The following EPHB4 variants were observed in gnomAD, a reference collection of about 807,000 sequenced individuals.
The protein encoded by EPHB4 is ephrin type-B receptor 4.
EPHB4 carries 50 observed loss-of-function variants against 110.6 expected under a neutral mutation model. The observed-to-expected ratio is 0.45, with a 90% CI of 0.36 to 0.57. The LOEUF (loss-of-function observed/expected upper bound fraction) is 0.57. Among genes scored for constraint, EPHB4 ranks in the 20% least tolerant of loss-of-function variants. The probability of loss-of-function intolerance (pLI) is 0.00; values close to 1 mark genes in which losing one functional copy is unlikely to be tolerated. For synonymous variants in EPHB4, 592 were observed against 578.4 expected (o/e 1.02, Z -0.34); for missense variants, 1,128 against 1,382.1 (o/e 0.82, Z 2.91).
At chr7:100,824,327 G>C (rs1171913589) in intron 1 of EPHB4, 54 bp from the exon 2 acceptor site, 1 of 1,588,682 alleles carries the variant, frequency 6.3e-7, no homozygotes, top group Non-Finnish European at 8.6e-7. Context: ...GGGAGGTCAG[G>C]AAGACCAGAT....
chr7:100,807,596 G>C lies in EPHB4; in HGVS notation c.2119-16C>G, dbSNP rs2116419648. ...CGTCGTTTAGCTGGAGAGCAGATAG[G>C]GTGGGGGCTTGGTGAGGACAGCCCA... On this transcript the variant is annotated splice_polypyrimidine_tract_variant and intron_variant, in intron 12 of 16. Coordinates refer to ENST00000358173, the MANE Select transcript of EPHB4 (RefSeq NM_004444.5). 6.2e-7 allele frequency: 1 copy of C among 1,609,842 alleles called. No individual in the cohort carries two copies. The highest frequency in any genetic ancestry group is 1.7e-4 in the Middle Eastern group (1 of 6,040).
intron 12 of EPHB4, among the ~76,000 whole-genome samples, chr7:100,809,573 G>A (rs1812886175): frequency 6.6e-6 from 1 of 152,204 alleles, no homozygotes. Flanking sequence ...GAATGCAGTA[G>A]TGCAATGATG....
rs750256169 is a variant in EPHB4, at chr7:100,805,312, G to T, written c.2688C>A (p.His896Gln). The change falls in exon 16 of 17, where the codon CAC becomes CAA. Residue 896 changes from histidine to glutamine, a missense_variant. By Grantham distance (24) the His-to-Gln change is conservative. Coordinates refer to ENST00000358173, the MANE Select transcript of EPHB4 (RefSeq NM_004444.5). The part of the protein sequence containing the change: ...IVARENGGAS[H>Q]PLLDQRQPHY... ...GAGGCTGCCGCTGGTCCAGGAGAGG[G>T]TGTGAGGCCCTAGGGGGCAAGGATG... The T allele has an allele frequency of 1.2e-6, 2 of 1,613,828 alleles. No individual in the cohort carries two copies. Among genetic ancestry groups the T allele is most frequent in the South Asian group, 2.2e-5 (2 of 91,004 alleles).
In EPHB4 at chr7:100,820,307, G is replaced by A. The variant is rs369246380; in HGVS notation, c.809-11C>T. On this transcript the variant is annotated splice_polypyrimidine_tract_variant and intron_variant, in intron 4 of 16. Transcript: ENST00000358173. ...TGCCCTGGGCACAGGCTGAGAGAGA[G>A]AAAGCATTCATCAAAAGCATGCACA... The A allele has an allele frequency of 2.2e-5, 35 of 1,612,584 alleles. 1 individual carries two copies. The South Asian group carries it at 3.7e-4, about 17-fold the overall frequency.
At position 100,805,245 on chromosome 7, in the gene EPHB4, T is replaced by C; in HGVS notation, c.2755A>G (p.Ile919Val). The C allele has an allele frequency of 1.9e-6, 3 of 1,613,638 alleles. No homozygotes were observed. Among genetic ancestry groups the C allele is most frequent in the Non-Finnish European group, 2.5e-6 (3 of 1,179,862 alleles). ...CTTTCTTCGTATCTTCCCATTTTGATGGCCCGAAGCCACTCGCCCACAGAG... is the reference window on the plus strand; with the variant it reads ...CTTTCTTCGTATCTTCCCATTTTGACGGCCCGAAGCCACTCGCCCACAGAG... Reference protein sequence around the residue: ...FGSVGEWLRAIKMGRYEESFA... With the variant: ...FGSVGEWLRAVKMGRYEESFA... The change falls in exon 16 of 17, where the codon ATC becomes GTC. Residue 919 changes from isoleucine to valine, a missense_variant. By Grantham distance (29) the Ile-to-Val change is conservative. Around this residue, in one of 3 missense-constraint regions of EPHB4, gnomAD observed 209 missense variants for 240.5 expected, o/e 0.87. Transcript: ENST00000358173.
chr7:100,805,428 A>G, intron 15 of EPHB4, 73 bp downstream of exon 15: 3 of 1,566,010 alleles, frequency 1.9e-6, no homozygotes, highest in Non-Finnish European at 2.6e-6. Context: ...ACCCAACACC[A>G]ATGAACGGAC....
In EPHB4 at chr7:100,803,470, C is replaced by T. The variant is rs56086910; in HGVS notation, c.2955G>A (p.Pro985=). The change falls in exon 17 of 17, where the codon CCG becomes CCA. Residue 985 remains proline (P), a synonymous_variant. Coordinates refer to ENST00000358173, the MANE Select transcript of EPHB4 (RefSeq NM_004444.5). ...GTPGGTGGPA[P]QY is the part of the protein sequence containing the mutation. ...GGGGAGTTCCTGCAGGTCAGTACTGCGGGGCCGGTCCTCCTGTCCCACCCG... is the reference window on the plus strand; with the variant it reads ...GGGGAGTTCCTGCAGGTCAGTACTGTGGGGCCGGTCCTCCTGTCCCACCCG... 221 of 1,572,610 alleles carry T rather than the reference C, an allele frequency of 1.4e-4. No individual in the cohort carries two copies. In the East Asian group the frequency reaches 3.2e-3, roughly 23 times the overall value.
chr7:100,803,783 G>C (rs942714685), intron 16 of EPHB4, among the ~76,000 whole-genome samples, 193 bp from the exon 17 acceptor site: 1 of 152,222 alleles, frequency 6.6e-6, no homozygotes. Context: ...TGCAACCGCA[G>C]AAGGGGGTAG....
intron 6 of EPHB4, 88 bp from the exon 7 acceptor site, chr7:100,818,732 G>A (rs314365): frequency 8.9e-6 from 13 of 1,455,814 alleles, no homozygotes; most frequent in East Asian, 5.0e-5. Flanking sequence ...AGACGGAGTC[G>A]TGCTCTATCA....
rs953020710 is a variant in EPHB4 at position 100,802,862 on chromosome 7, T to G, written c.*599A>C. 2 of 152,054 alleles carry G rather than the reference T, an allele frequency of 1.3e-5. No homozygotes were observed. The highest frequency in any genetic ancestry group is 3.2e-3 in the Middle Eastern group (1 of 316). The allele number at this position is 152,054 out of a possible 1,614,324, so 9.4% of individuals were successfully genotyped here. A position where few individuals can be genotyped will look rare whatever the true frequency, so the allele number is the denominator to read the frequency against. On this transcript the variant is annotated 3_prime_UTR_variant, in exon 17 of 17. Coordinates refer to ENST00000358173, the MANE Select transcript of EPHB4 (RefSeq NM_004444.5). ...GAAACAGGTTCCCTCCAACACAAAG[T>G]TATGACAAGGACGGTAGAAAAACAA...
chr7:100,818,642 G>T lies in EPHB4; in HGVS notation c.1300C>A (p.Pro434Thr). The change falls in exon 7 of 17, where the codon CCT (proline) becomes ACT (threonine). Residue 434 changes from proline (P) to threonine (T), a missense_variant and splice_region_variant. Coordinates refer to ENST00000358173, the MANE Select transcript of EPHB4 (RefSeq NM_004444.5). ...ACCCGGATGTCAGACACTGCAGGAG[G>T]TACTGTGAGAGGCAGAGACACAGGG... ...PVNVTTDREVPPAVSDIRVTR... is the reference protein window; with the variant it reads ...PVNVTTDREVTPAVSDIRVTR... 1 of 1,608,392 alleles carries T rather than the reference G, an allele frequency of 6.2e-7. No homozygotes were observed. The highest frequency in any genetic ancestry group is 1.1e-5 in the South Asian group (1 of 91,014).
Position 100,820,172 on chromosome 7 carries a change from T to C in EPHB4, c.933A>G (p.Ala311=), listed in dbSNP as rs751031779. ...AGGGTGCACCCCGGGGGTCTGTGCGTGCCCGGAAGTACCCGACGCGGCACT... is the reference window on the plus strand; with the variant it reads ...AGGGTGCACCCCGGGGGTCTGTGCGCGCCCGGAAGTACCCGACGCGGCACT... ...VCQCRVGYFR[A]RTDPRGAPCT... The change falls in exon 5 of 17, where the codon GCA becomes GCG. Residue 311 remains alanine (A), a synonymous_variant. Transcript: ENST00000358173. The C allele has an allele frequency of 1.9e-6, 3 of 1,614,026 alleles. No homozygotes were observed. Among genetic ancestry groups the C allele is most frequent in the East Asian group, 4.5e-5 (2 of 44,866 alleles).
chr7:100,820,136 C>T lies in EPHB4; in HGVS notation c.964+5G>A, dbSNP rs530754329. ...GTGAACTGCACCTGGGTGCTGGTCA[C>T]TTACTGGTGCAGGGTGCACCCCGGG... On this transcript the variant is annotated splice_donor_5th_base_variant and intron_variant, in intron 5 of 16. Transcript: ENST00000358173. 1.2e-6 allele frequency: 2 copies of T among 1,613,228 alleles called. No homozygotes were observed. The highest frequency in any genetic ancestry group is 2.2e-5 in the East Asian group (1 of 44,884).
intron 1 of EPHB4, chr7:100,824,544 A>T: frequency 2.2e-6 from 1 of 458,684 alleles, no homozygotes; most frequent in Non-Finnish European, 4.0e-6. Flanking sequence ...GGAGATCAAA[A>T]TGTACGGGGA....
Position 100,817,859 on chromosome 7 carries a change from GTTTTTTTTT to G in EPHB4, c.1423-511_1423-503del, listed in dbSNP as rs33978512. On this transcript the variant is annotated intron_variant, in intron 7 of 16. Transcript: ENST00000358173. ...TTTTTTCATTTTAAGTATTTTTTGCGTTTTTTTTTTTTTTTTTTTTTTTTGGAGACAGAG... is the reference window on the plus strand; with the variant it reads ...TTTTTTCATTTTAAGTATTTTTTGCGTTTTTTTTTTTTTTTGGAGACAGAG... Among the ~76,000 whole-genome samples, 9 of 47,112 alleles carry G rather than the reference GTTTTTTTTT, an allele frequency of 1.9e-4. No individual in the cohort carries two copies. In the South Asian group the frequency reaches 3.7e-3, roughly 19 times the overall value. 30.9% of individuals were successfully genotyped at this position (47,112 alleles called of 152,430 possible). A position where few individuals can be genotyped will look rare whatever the true frequency, so the allele number is the denominator to read the frequency against.
chr7:100,821,485 C>T (rs868003353), intron 4 of EPHB4, among the ~76,000 whole-genome samples: 3 of 147,798 alleles, frequency 2.0e-5, no homozygotes, highest in Non-Finnish European at 3.0e-5. Flanking sequence ...AGAAATTAGC[C>T]GGGCGTGGTG....
rs1456938466 is a variant in EPHB4, at chr7:100,812,674, C to G, written c.2118+73G>C. 10 of 1,552,418 alleles carry G rather than the reference C, an allele frequency of 6.4e-6. No individual in the cohort carries two copies. In the Middle Eastern group the frequency reaches 5.7e-4, roughly 88 times the overall value. On this transcript the variant is annotated intron_variant, in intron 12 of 16. Coordinates refer to ENST00000358173, the MANE Select transcript of EPHB4 (RefSeq NM_004444.5). The stretch of plus-strand genomic sequence containing the variant: ...ACCTGGGACCCACTGTCTGTCCTGG[C>G]TTCTTAACCCAAGTGGCCTCTGGGT...
intron 1 of EPHB4, 122 bp downstream of exon 1, chr7:100,826,857 G>C (rs1432674199): frequency 1.5e-5 from 17 of 1,116,866 alleles, no homozygotes; most frequent in Non-Finnish European, 2.0e-5. Context: ...GGTCCGAAGT[G>C]TTTGGGACTG....
chr7:100,806,747 C>A (rs531362585), intron 13 of EPHB4, among the ~76,000 whole-genome samples, 178 bp from the exon 14 acceptor site: 1 of 152,266 alleles, frequency 6.6e-6, no homozygotes, highest in East Asian at 1.9e-4. Context: ...TCTTGGCTCA[C>A]TGAAACTCCG....
Sources: allele counts gnomAD v4.1 joint callset (sites outside exome capture counted in the v4.1 genomes callset), GRCh38; gene constraint gnomAD v4.1.1; regional missense constraint gnomAD v4.1.1; transcripts MANE v1.5; gene names NCBI Gene and HGNC (gene_info 2026-07-23, HGNC 2026-07-21).